The following ACVR2A variants were observed in gnomAD, a reference collection of about 807,000 sequenced individuals.
The protein encoded by ACVR2A is activin receptor type-2A.
In ACVR2A, 7 loss-of-function variants were observed where a neutral mutation model predicts 61.4. That is an observed-to-expected ratio of 0.11 (90% confidence interval 0.06 to 0.21). The LOEUF is 0.21. Ranked by LOEUF, ACVR2A falls within the 10% of genes least tolerant of loss-of-function variation. ACVR2A has a pLI of 1.00. For synonymous variants in ACVR2A, 193 were observed against 208.3 expected (o/e 0.93, Z 0.63); for missense variants, 322 against 621.7 (o/e 0.52, Z 5.13).
intron 8 of ACVR2A, among the ~76,000 whole-genome samples, chr2:147,921,881 C>G (rs1687389509): frequency 6.6e-6 from 1 of 152,068 alleles, no homozygotes; most frequent in Non-Finnish European, 1.5e-5. Context: ...GTAATGACTC[C>G]TTGACTTTAG....
intron 1 of ACVR2A, among the ~76,000 whole-genome samples, chr2:147,887,329 T>C (rs1335663775): frequency 6.6e-6 from 1 of 152,234 alleles, no homozygotes; most frequent in Non-Finnish European, 1.5e-5. Flanking sequence ...TACATCCAGA[T>C]ATTTTTTGAT....
Position 147,926,016 on chromosome 2 carries a change from T to C in ACVR2A, c.1217-15T>C, listed in dbSNP as rs1687491687. ...TTTAATGAAAATGATTTATTTTACTTTTCTTACTTTTCAGGACCTGTAGAT... is the reference window on the plus strand; with the variant it reads ...TTTAATGAAAATGATTTATTTTACTCTTCTTACTTTTCAGGACCTGTAGAT... On this transcript the variant is annotated splice_polypyrimidine_tract_variant and intron_variant, in intron 9 of 10. Transcript: ENST00000241416. 1 of 1,591,572 alleles carries C rather than the reference T, an allele frequency of 6.3e-7. No homozygotes were observed. The highest frequency in any genetic ancestry group is 1.4e-5 in the African/African-American group (1 of 73,306).
intron 5 of ACVR2A, among the ~76,000 whole-genome samples, chr2:147,916,009 C>A (rs532336603): frequency 6.6e-6 from 1 of 151,828 alleles, no homozygotes; most frequent in Non-Finnish European, 1.5e-5. Flanking sequence ...TTGGTACTGA[C>A]GTCTTGGCTG....
chr2:147,901,231 A>G (rs907086555), intron 4 of ACVR2A, among the ~76,000 whole-genome samples: 1 of 152,046 alleles, frequency 6.6e-6, no homozygotes, highest in African/African-American at 2.4e-5. Context: ...TTGTTTTAGT[A>G]TCAAAATTTA....
At chr2:147,852,822 T>A (rs1685479925) in intron 1 of ACVR2A, among the ~76,000 whole-genome samples, 1 of 151,958 alleles carries the variant, frequency 6.6e-6, no homozygotes, top group Non-Finnish European at 1.5e-5. Context: ...CAATAGCCAT[T>A]TGAGAGTAAA....
At chr2:147,921,023 C>T (rs955113714) in intron 8 of ACVR2A, among the ~76,000 whole-genome samples, 2 of 151,916 alleles carry the variant, frequency 1.3e-5, no homozygotes, top group African/African-American at 2.4e-5. Flanking sequence ...GCAAGATCAC[C>T]TTTTATTTTT....
chr2:147,865,401 CTTA>C (rs1685828369), intron 1 of ACVR2A, among the ~76,000 whole-genome samples: 1 of 152,136 alleles, frequency 6.6e-6, no homozygotes, highest in South Asian at 2.1e-4. Flanking sequence ...CTAAAGCATT[CTTA>C]TTATATTTGA....
intron 4 of ACVR2A, among the ~76,000 whole-genome samples, chr2:147,905,913 C>T (rs758619865): frequency 1.3e-5 from 2 of 152,024 alleles, no homozygotes; most frequent in Non-Finnish European, 2.9e-5. Context: ...GGTAAAGTTG[C>T]ACATTAAAAT....
At chr2:147,895,112 CATAAAAT>C (rs1331216671) in intron 1 of ACVR2A, among the ~76,000 whole-genome samples, 2 of 151,944 alleles carry the variant, frequency 1.3e-5, no homozygotes, top group Non-Finnish European at 2.9e-5. Context: ...TATTTGCTAC[CATAAAAT>C]ATACGCACAT....
chr2:147,850,482 T>G (rs2105130737), intron 1 of ACVR2A, among the ~76,000 whole-genome samples: 1 of 152,262 alleles, frequency 6.6e-6, no homozygotes, highest in East Asian at 1.9e-4. Flanking sequence ...AACTCTTTGC[T>G]GCTTCAGAAA....
At chr2:147,899,593 G>A (rs776493041) in intron 3 of ACVR2A, 26 bp downstream of exon 3, 1 of 1,602,804 alleles carries the variant, frequency 6.2e-7, no homozygotes, top group Non-Finnish European at 8.5e-7. Flanking sequence ...AAATACGTAG[G>A]TTTGCTCAAC....
In ACVR2A at chr2:147,882,627, T is replaced by C. The variant is rs374551193; in HGVS notation, c.56-13674T>C. Among the ~76,000 whole-genome samples, 22 of 152,340 alleles carry C rather than the reference T, an allele frequency of 1.4e-4. 1 individual carries two copies. In the East Asian group the frequency reaches 2.3e-3, roughly 16 times the overall value. ...TGTTGACTTCCAAGTATTTTTACTC[T>C]CCTTACACATGCCACATGCACATTG... On this transcript the variant is annotated intron_variant, in intron 1 of 10. Coordinates refer to ENST00000241416, the MANE Select transcript of ACVR2A (RefSeq NM_001616.5).
chr2:147,897,745 A>G (rs1686774874), intron 2 of ACVR2A, among the ~76,000 whole-genome samples: 1 of 152,184 alleles, frequency 6.6e-6, no homozygotes, highest in African/African-American at 2.4e-5. Flanking sequence ...ATTACAACAC[A>G]GTCATTTAGA....
intron 1 of ACVR2A, among the ~76,000 whole-genome samples, chr2:147,866,540 T>C (rs992481265): frequency 2.0e-5 from 3 of 152,170 alleles, no homozygotes; most frequent in South Asian, 4.1e-4. Context: ...ATAATTGTTA[T>C]GTGTTTCAGG....
At chr2:147,925,736 T>G (rs1378422911) in intron 9 of ACVR2A, 2 of 252,832 alleles carry the variant, frequency 7.9e-6, no homozygotes, top group Non-Finnish European at 1.5e-5. Context: ...AAATACTGAT[T>G]GTTCCTTATG....
At chr2:147,874,829 T>A (rs1686114774) in intron 1 of ACVR2A, among the ~76,000 whole-genome samples, 1 of 151,958 alleles carries the variant, frequency 6.6e-6, no homozygotes, top group African/African-American at 2.4e-5. Context: ...TGAAATAAGA[T>A]ATTTTTAAGT....
intron 4 of ACVR2A, among the ~76,000 whole-genome samples, chr2:147,914,092 G>A (rs1687192015): frequency 6.6e-6 from 1 of 151,880 alleles, no homozygotes; most frequent in Non-Finnish European, 1.5e-5. Context: ...CTGTCTTTGA[G>A]GCATTAGAAG....
intron 4 of ACVR2A, among the ~76,000 whole-genome samples, chr2:147,908,050 A>AG (rs1333969394): frequency 7.0e-6 from 1 of 143,030 alleles, no homozygotes; most frequent in East Asian, 2.0e-4. Context: ...AAAAAAAAAA[A>AG]AAAAGAAAAA....
upstream of ACVR2A, chr2:147,844,999 C>CTTTTTTTTTTTTTTTTT (rs1558955614): frequency 7.8e-6 from 1 of 127,496 alleles, no homozygotes; most frequent in Non-Finnish European, 1.2e-5. Context: ...ACCCAGTGAG[C>CTTTTTTTTTTTTTTTTT]GTTTTTTTTT....
Sources: gnomAD v4.1 joint callset for allele counts (sites outside exome capture counted in the v4.1 genomes callset) on GRCh38, gnomAD v4.1.1 for gene constraint, MANE v1.5 for transcripts, NCBI Gene and HGNC (gene_info 2026-07-23, HGNC 2026-07-21) for gene names.